DLGAP1: variants seen among roughly 807,000 people sequenced by gnomAD.
DLGAP1 encodes the protein disks large-associated protein 1.
A neutral mutation model predicts 90.8 loss-of-function variants in DLGAP1; 11 were observed. The observed-to-expected ratio is 0.12, with a 90% CI of 0.08 to 0.20. The LOEUF (loss-of-function observed/expected upper bound fraction) is 0.20. Ranked by LOEUF, DLGAP1 falls within the 10% of genes least tolerant of loss-of-function variation. The pLI, the probability that DLGAP1 is intolerant of heterozygous loss-of-function variation, is 1.00. For missense variants in DLGAP1, 1,050 were observed against 1,333.8 expected (o/e 0.79, Z 3.31); for synonymous variants, 558 against 540.7 (o/e 1.03, Z -0.44).
chr18:4,428,952 C>T (rs1206241263), intron 1 of DLGAP1, among the ~76,000 whole-genome samples: 3 of 152,000 alleles, frequency 2.0e-5, no homozygotes, highest in Non-Finnish European at 2.9e-5. Context: ...TAATGTAAGC[C>T]GGGAGAGGCC....
At chr18:3,963,385 T>C (rs2073247375) in intron 3 of DLGAP1, among the ~76,000 whole-genome samples, 2 of 152,136 alleles carry the variant, frequency 1.3e-5, no homozygotes, top group Admixed American at 6.5e-5. Flanking sequence ...AAGGAAAGTG[T>C]GCAGCTGCCT....
chr18:4,410,699 T>C (rs2082758978), intron 1 of DLGAP1, among the ~76,000 whole-genome samples: 1 of 151,994 alleles, frequency 6.6e-6, no homozygotes, highest in Non-Finnish European at 1.5e-5. Flanking sequence ...TATATATATA[T>C]ATATAATCAA....
rs193252212 is a variant in DLGAP1, at chr18:3,913,011, T to C, written c.-72-32871A>G. On this transcript the variant is annotated intron_variant, in intron 3 of 12. Coordinates refer to ENST00000315677, the MANE Select transcript of DLGAP1 (RefSeq NM_004746.4). Reference sequence around the variant, plus strand: ...GTTTTCCACAGCTGAAGAAAAAAAATAAACCACTGAACTAGATGATCTCAG... The same window carrying C: ...GTTTTCCACAGCTGAAGAAAAAAAACAAACCACTGAACTAGATGATCTCAG... Among the ~76,000 whole-genome samples, 8 of 152,288 alleles carry C rather than the reference T, an allele frequency of 5.3e-5. No homozygotes were observed. The East Asian group carries it at 1.5e-3, about 29-fold the overall frequency.
At chr18:3,597,192 C>T (rs748027576) in intron 7 of DLGAP1, 8 of 519,220 alleles carry the variant, frequency 1.5e-5, no homozygotes, top group Non-Finnish European at 3.1e-5. Context: ...ATCTGAGAGC[C>T]AGCGAACTTT....
At chr18:4,336,901 C>A (rs1369912523) in intron 1 of DLGAP1, among the ~76,000 whole-genome samples, 1 of 147,768 alleles carries the variant, frequency 6.8e-6, no homozygotes, top group Admixed American at 6.8e-5. Context: ...GAGATCGAGA[C>A]CATCCTGGCT....
intron 5 of DLGAP1, among the ~76,000 whole-genome samples, chr18:3,753,583 C>T (rs1158308108): frequency 6.6e-6 from 1 of 152,164 alleles, no homozygotes; most frequent in Non-Finnish European, 1.5e-5. Flanking sequence ...AGACTTTATG[C>T]ATGTTACAGG....
In DLGAP1 at chr18:3,581,320, T is replaced by C. The variant is rs2055495978; in HGVS notation, c.1965+555A>G. Among the ~76,000 whole-genome samples, 3 of 152,142 alleles carry C rather than the reference T, an allele frequency of 2.0e-5. 1 individual carries two copies. In the South Asian group the frequency reaches 6.2e-4, roughly 32 times the overall value. Reference sequence around the variant, plus strand: ...CTTCTCTGATTCTTTTCCCTCAAAATAGTCCTGAGAACTAATTGTCACACT... The same window carrying C: ...CTTCTCTGATTCTTTTCCCTCAAAACAGTCCTGAGAACTAATTGTCACACT... On this transcript the variant is annotated intron_variant, in intron 8 of 12. Coordinates refer to ENST00000315677, the MANE Select transcript of DLGAP1 (RefSeq NM_004746.4).
At chr18:3,663,271 A>G (rs1159042168) in intron 7 of DLGAP1, among the ~76,000 whole-genome samples, 1 of 136,158 alleles carries the variant, frequency 7.3e-6, no homozygotes, top group Non-Finnish European at 1.5e-5. Flanking sequence ...GACTCCCCCT[A>G]AAAAAAAAAA....
chr18:4,173,647 C>T (rs747701274), intron 1 of DLGAP1, among the ~76,000 whole-genome samples: 9 of 152,094 alleles, frequency 5.9e-5, no homozygotes, highest in Non-Finnish European at 1.3e-4. Flanking sequence ...GCAGCCTAGC[C>T]CAGTCGTAGA....
rs1226358239 is a variant in DLGAP1 at position 3,768,153 on chromosome 18, G to GTAGT, written c.1173-25645_1173-25642dup. 3.9e-5 allele frequency among the ~76,000 whole-genome samples: 6 copies of GTAGT among 152,276 alleles called. No homozygotes were observed. In the South Asian group the frequency reaches 6.2e-4, roughly 16 times the overall value. ...ACAAAAATCAGTTGTATTTCTCTAT[G>GTAGT]TAGTAATGAACACCTGGACGCAGAA... On this transcript the variant is annotated intron_variant, in intron 5 of 12. Transcript: ENST00000315677.
rs751855835 is a variant in DLGAP1 at position 3,880,117 on chromosome 18, T to C, written c.-49A>G. ...GGTCATGGACACCCGGAAGTCAGGC[T>C]CCAGACCCGTCTTGGGCAGGGATCT... On this transcript the variant is annotated 5_prime_UTR_variant, in exon 4 of 13. Coordinates refer to ENST00000315677, the MANE Select transcript of DLGAP1 (RefSeq NM_004746.4). 5.1e-5 allele frequency: 79 copies of C among 1,549,152 alleles called. No homozygotes were observed. Among genetic ancestry groups the C allele is most frequent in the Non-Finnish European group, 6.2e-5 (71 of 1,137,986 alleles).
At chr18:4,227,288 A>G (rs2078211789) in intron 1 of DLGAP1, among the ~76,000 whole-genome samples, 1 of 152,014 alleles carries the variant, frequency 6.6e-6, no homozygotes, top group Non-Finnish European at 1.5e-5. Context: ...TCAGCCTTGG[A>G]CAGATGACCC....
chr18:4,174,282 T>C (rs1371630455), intron 1 of DLGAP1, among the ~76,000 whole-genome samples: 1 of 152,178 alleles, frequency 6.6e-6, no homozygotes. Flanking sequence ...ACACCTGCCC[T>C]GAGCTGCCTG....
intron 7 of DLGAP1, among the ~76,000 whole-genome samples, chr18:3,631,969 A>G (rs74974123): frequency 0.01 from 1,555 of 152,020 alleles, 35 homozygotes; most frequent in African/African-American, 0.036. Flanking sequence ...TTGTAGAGGC[A>G]AGTTCTCCGT....
At chr18:4,044,768 AAAAC>A (rs377246244) in intron 2 of DLGAP1, among the ~76,000 whole-genome samples, 52 of 152,182 alleles carry the variant, frequency 3.4e-4, no homozygotes, top group African/African-American at 5.1e-4. Context: ...ACAAACAAAC[AAAAC>A]AAACAAACAA....
At chr18:3,980,467 G>A (rs1013140312) in intron 3 of DLGAP1, among the ~76,000 whole-genome samples, 2 of 152,162 alleles carry the variant, frequency 1.3e-5, no homozygotes, top group East Asian at 3.9e-4. Flanking sequence ...AATGAAGTGG[G>A]ATATTCATCT....
intron 1 of DLGAP1, among the ~76,000 whole-genome samples, chr18:4,190,889 A>G (rs2077386369): frequency 6.6e-6 from 1 of 152,136 alleles, no homozygotes; most frequent in Non-Finnish European, 1.5e-5. Context: ...AATACAACTC[A>G]GTTACTCTTC....
chr18:4,238,669 T>C (rs1007609681), intron 1 of DLGAP1, among the ~76,000 whole-genome samples: 2 of 152,202 alleles, frequency 1.3e-5, no homozygotes, highest in African/African-American at 2.4e-5. Context: ...TGAGGGATTA[T>C]ATATGTATAG....
intron 1 of DLGAP1, among the ~76,000 whole-genome samples, chr18:4,301,665 C>T (rs892353155): frequency 7.2e-5 from 11 of 152,010 alleles, no homozygotes; most frequent in African/African-American, 2.7e-4. Context: ...AGGGTAAATA[C>T]CAAAAAGTGG....
Sources: gnomAD v4.1 joint callset for allele counts (sites outside exome capture counted in the v4.1 genomes callset) on GRCh38, gnomAD v4.1.1 for gene constraint, MANE v1.5 for transcripts, NCBI Gene and HGNC (gene_info 2026-07-23, HGNC 2026-07-21) for gene names.